RASSF6: variants seen among roughly 807,000 people sequenced by gnomAD.
RASSF6 encodes the protein ras association domain-containing protein 6.
In RASSF6, 52 loss-of-function variants were observed where a neutral mutation model predicts 44.0. The ratio of observed to expected loss-of-function variants is 1.18; its 90% CI spans 0.95 to 1.49. The LOEUF (loss-of-function observed/expected upper bound fraction) is 1.49. Among genes scored for constraint, RASSF6 ranks in the 40% most tolerant of loss-of-function variants. The pLI is 0.00. For missense variants in RASSF6, 464 were observed against 393.3 expected (o/e 1.18, Z -1.52); for synonymous variants, 162 against 124.6 (o/e 1.30, Z -2.00).
At chr4:73,611,011 C>A (rs1048479003) in intron 2 of RASSF6, among the ~76,000 whole-genome samples, 1 of 152,146 alleles carries the variant, frequency 6.6e-6, no homozygotes, top group Non-Finnish European at 1.5e-5. Flanking sequence ...CATATTTGAT[C>A]ATATTTGTTT....
At chr4:73,603,219 A>T (rs1725399438) in intron 2 of RASSF6, among the ~76,000 whole-genome samples, 1 of 152,222 alleles carries the variant, frequency 6.6e-6, no homozygotes, top group Non-Finnish European at 1.5e-5. Context: ...GTATCACAAT[A>T]TGTAACAAGG....
At chr4:73,580,751 T>C (rs1159883286) in intron 8 of RASSF6, among the ~76,000 whole-genome samples, 1 of 122,034 alleles carries the variant, frequency 8.2e-6, no homozygotes, top group Non-Finnish European at 1.8e-5. Flanking sequence ...TTGTTTGAGT[T>C]CATTGTAGAT....
intron 4 of RASSF6, among the ~76,000 whole-genome samples, chr4:73,591,421 T>A (rs1215607779): frequency 6.6e-6 from 1 of 152,186 alleles, no homozygotes; most frequent in Non-Finnish European, 1.5e-5. Context: ...AATTAAAAAA[T>A]TAAAATGCAT....
In RASSF6 at chr4:73,585,268, A is replaced by T. The variant is rs753603734; in HGVS notation, c.479T>A (p.Val160Glu). The stretch of plus-strand genomic sequence containing the variant: ...CATCAGAGGCTTCATCCTTTTTCTC[A>T]CCAGAGCTGCTTCACTCATGGTTCT... Reference protein sequence around the residue: ...LYRTMSEAALVRKRMKPLMMD... With the variant: ...LYRTMSEAALERKRMKPLMMD... Residue 160 changes from valine (V) to glutamate (E), a missense_variant, in exon 6 of 11, where the codon GTG becomes GAG. By Grantham distance (121) the Val-to-Glu change is moderately radical. Transcript: ENST00000307439. 6.2e-7 allele frequency: 1 copy of T among 1,612,368 alleles called. No individual in the cohort carries two copies. Among genetic ancestry groups the T allele is most frequent in the Non-Finnish European group, 8.5e-7 (1 of 1,179,066 alleles).
chr4:73,572,320 T>A lies in RASSF6; in HGVS notation c.*3915A>T, dbSNP rs957409049. 1.3e-5 allele frequency: 2 copies of A among 152,200 alleles called. No individual in the cohort carries two copies. The highest frequency in any genetic ancestry group is 4.8e-5 in the African/African-American group (2 of 41,436). The allele number at this position is 152,200 out of a possible 1,614,324, so 9.4% of individuals were successfully genotyped here. On this transcript the variant is annotated 3_prime_UTR_variant, in exon 11 of 11. Transcript: ENST00000307439. ...AAGGAGGAAGCCACAGTGACTTTTA[T>A]GACCTACTTCAAAGTCTCACAGTCT...
chr4:73,598,594 G>T, intron 3 of RASSF6, 46 bp downstream of exon 3: 1 of 860,684 alleles, frequency 1.2e-6, no homozygotes, highest in Non-Finnish European at 1.9e-6. Context: ...GTGCACGCAT[G>T]TGTGTGTGTG....
intron 2 of RASSF6, among the ~76,000 whole-genome samples, chr4:73,606,531 C>A (rs1725649201): frequency 4.6e-5 from 7 of 152,110 alleles, no homozygotes; most frequent in Admixed American, 3.9e-4. Flanking sequence ...AAAATAGAGA[C>A]AAGGGAATGG....
At position 73,587,831 on chromosome 4, in the gene RASSF6, G is replaced by C. The variant is rs373686526; in HGVS notation, c.382+9C>G. 1.9e-6 allele frequency: 3 copies of C among 1,574,858 alleles called. No homozygotes were observed. Among genetic ancestry groups the C allele is most frequent in the East Asian group, 4.5e-5 (2 of 44,568 alleles). ...TAAGTCTCCCAATCAATAAGATTTTGATACTGACCTTCCTGGGAATTCCTT... is the reference window on the plus strand; with the variant it reads ...TAAGTCTCCCAATCAATAAGATTTTCATACTGACCTTCCTGGGAATTCCTT... On this transcript the variant is annotated intron_variant, in intron 5 of 10. Coordinates refer to ENST00000307439, the MANE Select transcript of RASSF6 (RefSeq NM_177532.5).
At chr4:73,619,841 A>G (rs1726585015) in intron 1 of RASSF6, among the ~76,000 whole-genome samples, 2 of 152,068 alleles carry the variant, frequency 1.3e-5, no homozygotes, top group African/African-American at 4.8e-5. Context: ...GAAACAAATA[A>G]AAGTTGAGCT....
chr4:73,593,614 C>A, intron 3 of RASSF6, 21 bp from the exon 4 acceptor site: 3 of 1,605,960 alleles, frequency 1.9e-6, no homozygotes, highest in Non-Finnish European at 2.6e-6. Context: ...AATGAATAAT[C>A]CCCCAATTGT....
chr4:73,585,385 G>C, intron 5 of RASSF6, 21 bp from the exon 6 acceptor site: 2 of 1,498,778 alleles, frequency 1.3e-6, no homozygotes, highest in Non-Finnish European at 1.8e-6. Flanking sequence ...TAGATTATAA[G>C]CTCATATCAT....
At chr4:73,617,941 C>T (rs1322280022) in intron 1 of RASSF6, among the ~76,000 whole-genome samples, 1 of 152,126 alleles carries the variant, frequency 6.6e-6, no homozygotes, top group Non-Finnish European at 1.5e-5. Context: ...GAATTCCCCA[C>T]CTACATTGCA....
intron 4 of RASSF6, 119 bp downstream of exon 4, chr4:73,593,332 A>G: frequency 1.9e-6 from 2 of 1,035,718 alleles, no homozygotes; most frequent in South Asian, 3.6e-5. Flanking sequence ...GGGAAATTAA[A>G]TGAGATTGTG....
chr4:73,608,730 C>T (rs1047831282), intron 2 of RASSF6, among the ~76,000 whole-genome samples: 6 of 152,206 alleles, frequency 3.9e-5, no homozygotes, highest in African/African-American at 1.2e-4. Context: ...CAGCGTTCTT[C>T]AGGAGAATGA....
intron 6 of RASSF6, among the ~76,000 whole-genome samples, chr4:73,584,515 C>T (rs1159191230): frequency 3.3e-5 from 5 of 152,104 alleles, no homozygotes; most frequent in Non-Finnish European, 5.9e-5. Context: ...TGAATTGTAT[C>T]TAAACTACAA....
intron 4 of RASSF6, among the ~76,000 whole-genome samples, chr4:73,590,363 C>T (rs928768862): frequency 6.6e-6 from 1 of 152,172 alleles, no homozygotes; most frequent in Non-Finnish European, 1.5e-5. Flanking sequence ...GTCATTTACC[C>T]CACGTTTACC....
At chr4:73,589,094 A>C (rs1474122520) in intron 4 of RASSF6, among the ~76,000 whole-genome samples, 1 of 152,134 alleles carries the variant, frequency 6.6e-6, no homozygotes, top group African/African-American at 2.4e-5. Context: ...ATTCTTTTGA[A>C]GCGTGTTTTA....
intron 5 of RASSF6, 113 bp from the exon 6 acceptor site, chr4:73,585,477 G>T: frequency 1.5e-6 from 1 of 684,418 alleles, no homozygotes. Flanking sequence ...TTCTGGCTGT[G>T]TAAAAGCATT....
At chr4:73,583,774 G>A (rs1723859354) in intron 6 of RASSF6, among the ~76,000 whole-genome samples, 1 of 152,002 alleles carries the variant, frequency 6.6e-6, no homozygotes, top group African/African-American at 2.4e-5. Flanking sequence ...TTTGTGCCAG[G>A]TACTATTCTT....
Sources: allele counts gnomAD v4.1 joint callset (sites outside exome capture counted in the v4.1 genomes callset), GRCh38; gene constraint gnomAD v4.1.1; transcripts MANE v1.5; gene names NCBI Gene and HGNC (gene_info 2026-07-23, HGNC 2026-07-21).